VWA8: variants seen among roughly 807,000 people sequenced by gnomAD.
VWA8 encodes von Willebrand factor A domain containing 8.
A neutral mutation model predicts 241.5 loss-of-function variants in VWA8; 221 were observed. The observed-to-expected ratio is 0.91, with a 90% CI of 0.82 to 1.02. The LOEUF (loss-of-function observed/expected upper bound fraction) is 1.02. VWA8 is among the 50% of genes least tolerant of loss of function. VWA8 has a pLI of 0.00. For synonymous variants in VWA8, 852 were observed against 827.1 expected (o/e 1.03, Z -0.52); for missense variants, 2,322 against 2,328.7 (o/e 1.00, Z 0.06).
intron 17 of VWA8, among the ~76,000 whole-genome samples, chr13:41,790,173 A>T (rs138692391): frequency 6.6e-6 from 1 of 152,256 alleles, no homozygotes; most frequent in East Asian, 1.9e-4. Flanking sequence ...TTATAACACC[A>T]TAAAACTGAA....
intron 21 of VWA8, among the ~76,000 whole-genome samples, chr13:41,760,530 T>C (rs974868806): frequency 1.3e-5 from 2 of 151,922 alleles, no homozygotes; most frequent in Admixed American, 6.6e-5. Flanking sequence ...TCTTGACTTA[T>C]CTATTTTGTT....
At chr13:41,651,403 A>G (rs1432139773) in intron 37 of VWA8, among the ~76,000 whole-genome samples, 1 of 152,194 alleles carries the variant, frequency 6.6e-6, no homozygotes, top group Non-Finnish European at 1.5e-5. Flanking sequence ...GAGTGAGAAT[A>G]TAATAGTGTA....
chr13:41,683,256 T>TA (rs71096535), intron 35 of VWA8, among the ~76,000 whole-genome samples: 2,505 of 141,176 alleles, frequency 0.018, 23 homozygotes, highest in South Asian at 0.051. Flanking sequence ...ACTTGGCAAT[T>TA]AAAAAAAAAA....
chr13:41,782,640 A>G (rs75400150), intron 19 of VWA8, among the ~76,000 whole-genome samples: 2,009 of 152,226 alleles, frequency 0.013, 24 homozygotes, highest in Middle Eastern at 0.051. Flanking sequence ...CTACGACATA[A>G]AAAATATAGT....
intron 21 of VWA8, among the ~76,000 whole-genome samples, chr13:41,739,000 TAAAG>T (rs1030549752): frequency 3.3e-5 from 5 of 152,186 alleles, no homozygotes; most frequent in African/African-American, 1.2e-4. Flanking sequence ...AAAAGTGTGA[TAAAG>T]AGACAAAATT....
chr13:41,899,319 G>A (rs1341117959), intron 4 of VWA8, among the ~76,000 whole-genome samples: 2 of 152,152 alleles, frequency 1.3e-5, no homozygotes, highest in Non-Finnish European at 2.9e-5. Context: ...GAATCCAGAG[G>A]CAAGAATATT....
intron 35 of VWA8, among the ~76,000 whole-genome samples, chr13:41,676,100 G>A (rs2045058316): frequency 6.6e-6 from 1 of 152,120 alleles, no homozygotes; most frequent in South Asian, 2.1e-4. Flanking sequence ...ATTGCATCAT[G>A]TTATACGGAG....
At chr13:41,885,468 G>A (rs1030376663) in intron 8 of VWA8, among the ~76,000 whole-genome samples, 5 of 152,240 alleles carry the variant, frequency 3.3e-5, no homozygotes, top group Admixed American at 3.3e-4. Context: ...GACGATCCTT[G>A]GGCTCTTGAA....
intron 36 of VWA8, 86 bp from the exon 37 acceptor site, chr13:41,671,233 T>C: frequency 7.0e-7 from 1 of 1,433,630 alleles, no homozygotes; most frequent in Non-Finnish European, 9.7e-7. Context: ...TTCTTTACTG[T>C]TGAAAAAGTA....
chr13:41,731,849 G>A (rs530109246), intron 22 of VWA8, among the ~76,000 whole-genome samples: 27 of 152,292 alleles, frequency 1.8e-4, no homozygotes, highest in African/African-American at 6.5e-4. Context: ...CTGCTGCCAT[G>A]TGAGACATGC....
At chr13:41,795,980 T>C (rs1228460342) in intron 17 of VWA8, among the ~76,000 whole-genome samples, 1 of 152,020 alleles carries the variant, frequency 6.6e-6, no homozygotes, top group Non-Finnish European at 1.5e-5. Context: ...AAAAAATAAA[T>C]AAAATGCATC....
intron 34 of VWA8, among the ~76,000 whole-genome samples, chr13:41,687,916 A>G (rs1481046288): frequency 6.6e-6 from 1 of 152,164 alleles, no homozygotes; most frequent in Non-Finnish European, 1.5e-5. Context: ...GCCTTAACTT[A>G]GCTTTTATTT....
At chr13:41,575,658 G>T in intron 43 of VWA8, 82 bp downstream of exon 43, 4 of 979,572 alleles carry the variant, frequency 4.1e-6, no homozygotes, top group Non-Finnish European at 4.6e-6. Flanking sequence ...CTGTGTATCT[G>T]CTGCTGCTTC....
chr13:41,875,912 A>C (rs1873875691), intron 9 of VWA8, among the ~76,000 whole-genome samples: 1 of 152,078 alleles, frequency 6.6e-6, no homozygotes, highest in Non-Finnish European at 1.5e-5. Context: ...CTTAAATCAA[A>C]TATGTCCAAT....
chr13:41,796,784 A>G (rs911874775), intron 17 of VWA8, among the ~76,000 whole-genome samples: 17 of 151,552 alleles, frequency 1.1e-4, no homozygotes, highest in Admixed American at 1.1e-3. Context: ...TGAGTTTAAA[A>G]CTTAAAAAAA....
At chr13:41,892,123 T>A (rs7991791) in intron 4 of VWA8, among the ~76,000 whole-genome samples, 14,277 of 152,132 alleles carry the variant, frequency 0.094, 850 homozygotes, top group African/African-American at 0.17. Flanking sequence ...AAGAATCAGA[T>A]TTTACATTGG....
At position 41,721,582 on chromosome 13, in the gene VWA8, G is replaced by A; in HGVS notation, c.2759-7C>T. 1.9e-6 allele frequency: 3 copies of A among 1,604,618 alleles called. No homozygotes were observed. Among genetic ancestry groups the A allele is most frequent in the Non-Finnish European group, 1.7e-6 (2 of 1,175,720 alleles). On this transcript the variant is annotated splice_region_variant and splice_polypyrimidine_tract_variant and intron_variant, in intron 24 of 44. Transcript: ENST00000379310. ...TGGCAGCTAAAAATATCACCTAAAG[G>A]AGAGAAAAGATTCACATTCAGTATG...
At chr13:41,702,884 C>G (rs1204061908) in intron 27 of VWA8, among the ~76,000 whole-genome samples, 7 of 152,178 alleles carry the variant, frequency 4.6e-5, no homozygotes, top group Admixed American at 3.9e-4. Flanking sequence ...TACTTTCTCA[C>G]AGTAAATTCC....
intron 21 of VWA8, among the ~76,000 whole-genome samples, chr13:41,737,081 C>G (rs2045531479): frequency 6.6e-6 from 1 of 152,080 alleles, no homozygotes; most frequent in African/African-American, 2.4e-5. Context: ...CCACCCACCT[C>G]AGCCTCCCAA....
Sources: allele counts gnomAD v4.1 joint callset (sites outside exome capture counted in the v4.1 genomes callset), GRCh38; gene constraint gnomAD v4.1.1; transcripts MANE v1.5; gene names NCBI Gene and HGNC (gene_info 2026-07-23, HGNC 2026-07-21).